GPHN: variants seen among roughly 807,000 people sequenced by gnomAD.
GPHN encodes gephyrin.
A neutral mutation model predicts 95.5 loss-of-function variants in GPHN; 17 were observed. The ratio of observed to expected loss-of-function variants is 0.18; its 90% confidence interval spans 0.12 to 0.27. The LOEUF (loss-of-function observed/expected upper bound fraction) is 0.27. GPHN is among the 10% of genes least tolerant of loss of function. The pLI is 1.00. For synonymous variants in GPHN, 320 were observed against 322.5 expected, an observed-to-expected ratio of 0.99 and a Z score of 0.08; for missense variants, 660 against 978.1, an observed-to-expected ratio of 0.67 and a Z score of 4.34.
At chr14:67,712,173 A>T in the GPHN span, among the ~76,000 whole-genome samples, 1 of 151,760 alleles carries the variant, frequency 6.6e-6, no homozygotes, top group South Asian at 2.1e-4. Flanking sequence ...ACACACCTTG[A>T]CCTCCCAAAG....
intron 10 of GPHN, among the ~76,000 whole-genome samples, chr14:67,026,358 C>T (rs2073923740): frequency 6.6e-6 from 1 of 152,092 alleles, no homozygotes; most frequent in African/African-American, 2.4e-5. Context: ...ACTACTAATA[C>T]TACCAATTAC....
At chr14:67,099,547 C>CAA (rs368937478) in intron 12 of GPHN, among the ~76,000 whole-genome samples, 244 of 141,374 alleles carry the variant, frequency 1.7e-3, no homozygotes, top group African/African-American at 5.7e-3. Context: ...TAACAGGATT[C>CAA]AAAAAAAAAA....
intron 8 of GPHN, among the ~76,000 whole-genome samples, chr14:66,937,083 G>T (rs1042461416): frequency 6.6e-6 from 1 of 151,682 alleles, no homozygotes; most frequent in Non-Finnish European, 1.5e-5. Context: ...GCTTACTGCA[G>T]CCTCTACCTT....
chr14:67,655,746 C>A, the GPHN span, among the ~76,000 whole-genome samples: 17 of 152,174 alleles, frequency 1.1e-4, no homozygotes. Flanking sequence ...AGCTTTGAAT[C>A]CTTAAGTGCC....
At chr14:67,152,440 A>G (rs1000043478) in intron 18 of GPHN, among the ~76,000 whole-genome samples, 11 of 151,274 alleles carry the variant, frequency 7.3e-5, no homozygotes, top group African/African-American at 2.7e-4. Context: ...TATAAAATGA[A>G]CATGTTTCCA....
the GPHN span, among the ~76,000 whole-genome samples, chr14:67,623,534 C>CTTTTTTTTT: frequency 2.4e-5 from 2 of 82,948 alleles, no homozygotes; most frequent in African/African-American, 4.9e-5. Flanking sequence ...CTCAGGTAAC[C>CTTTTTTTTT]TTTTTTTTTT....
chr14:67,211,188 A>G, the GPHN span, among the ~76,000 whole-genome samples: 1 of 152,184 alleles, frequency 6.6e-6, no homozygotes, highest in East Asian at 1.9e-4. Flanking sequence ...AGCTGATATT[A>G]AAACCCTCAC....
chr14:67,180,113 G>A (rs763805302), intron 22 of GPHN, among the ~76,000 whole-genome samples: 3 of 152,204 alleles, frequency 2.0e-5, no homozygotes, highest in Non-Finnish European at 4.4e-5. Context: ...TTGAAGGGCA[G>A]AGAAATCAAT....
At chr14:67,393,599 A>T in the GPHN span, among the ~76,000 whole-genome samples, 1 of 151,982 alleles carries the variant, frequency 6.6e-6, no homozygotes, top group Non-Finnish European at 1.5e-5. Flanking sequence ...GATTACAGAC[A>T]TTTGCCACCA....
At chr14:67,121,403 A>T (rs909532401) in intron 16 of GPHN, among the ~76,000 whole-genome samples, 19 of 152,148 alleles carry the variant, frequency 1.2e-4, no homozygotes, top group African/African-American at 4.6e-4. Flanking sequence ...AAGGAAAGAG[A>T]ATCACATTTA....
At chr14:67,452,259 G>T in the GPHN span, among the ~76,000 whole-genome samples, 7 of 151,064 alleles carry the variant, frequency 4.6e-5, no homozygotes, top group African/African-American at 1.7e-4. Flanking sequence ...GAAGGCAGAG[G>T]TTGTAGTGAG....
At chr14:67,489,021 C>T in the GPHN span, among the ~76,000 whole-genome samples, 1 of 151,970 alleles carries the variant, frequency 6.6e-6, no homozygotes, top group African/African-American at 2.4e-5. Flanking sequence ...GAGTAGATCC[C>T]AGGGGACAGG....
rs186926407 is a variant in GPHN at position 66,583,336 on chromosome 14, G to T, written c.64+74745G>T. ...AAAATTTTCTCCCAATCTGTAGGTTGCCTGTTCACTCTGATGGTAGTTTCT... is the reference window on the plus strand; with the variant it reads ...AAAATTTTCTCCCAATCTGTAGGTTTCCTGTTCACTCTGATGGTAGTTTCT... On this transcript the variant is annotated intron_variant, in intron 1 of 22. Transcript: ENST00000478722. Among the ~76,000 whole-genome samples the T allele has an allele frequency of 1.5e-3, 230 of 152,176 alleles. 1 individual carries two copies. Among genetic ancestry groups the T allele is most frequent in the Non-Finnish European group, 1.9e-3 (127 of 67,982 alleles).
chr14:67,720,318 T>TC, the GPHN span, among the ~76,000 whole-genome samples: 1 of 152,310 alleles, frequency 6.6e-6, no homozygotes, highest in East Asian at 1.9e-4. Context: ...TATGAATATT[T>TC]CCCCCCAGTT....
At chr14:66,645,706 AG>A (rs2064708825) in intron 1 of GPHN, among the ~76,000 whole-genome samples, 3 of 151,154 alleles carry the variant, frequency 2.0e-5, no homozygotes, top group Non-Finnish European at 4.4e-5. Context: ...AAAAAAAAAA[AG>A]AAAATTTTTT....
chr14:66,745,754 T>C (rs1052225751), intron 2 of GPHN, among the ~76,000 whole-genome samples: 8 of 151,986 alleles, frequency 5.3e-5, no homozygotes, highest in South Asian at 2.1e-4. Flanking sequence ...TACTTATGTA[T>C]AATGAGTGTT....
chr14:67,569,313 G>A, the GPHN span: 24 of 838,286 alleles, frequency 2.9e-5, no homozygotes, highest in African/African-American at 2.1e-4. Context: ...CAGGGCCAGG[G>A]TTGGCTGGCC....
chr14:66,508,279 C>T lies in GPHN; in HGVS notation c.-249C>T. ...GCCACCGCGCCCCCCAAGCTTGCCT[C>T]CTTCTTGCCGGACTTGGGGCCGCGC... is the stretch of plus-strand genomic sequence containing the variant. On this transcript the variant is annotated 5_prime_UTR_variant, in exon 1 of 23. Coordinates refer to ENST00000478722, the MANE Select transcript of GPHN (RefSeq NM_020806.5). The T allele has an allele frequency of 8.6e-6, 5 of 581,214 alleles. No homozygotes were observed. Among genetic ancestry groups the T allele is most frequent in the South Asian group, 2.0e-5 (1 of 50,434 alleles). The allele number at this position is 581,214 out of a possible 1,614,324, so 36.0% of individuals were successfully genotyped here. A position where few individuals can be genotyped will look rare whatever the true frequency, so the allele number is the denominator to read the frequency against.
Position 66,922,823 on chromosome 14 carries a change from C to G in GPHN, c.614C>G (p.Thr205Arg). ...CCTACTACCAGCCCCCATAAACAGA[C>G]AGAAGACAAAGGAGTTCAATGTGAG... ...PPPTTSPHKQTEDKGVQCEEE... is the reference protein window; with the variant it reads ...PPPTTSPHKQREDKGVQCEEE... The change falls in exon 7 of 23, where the codon ACA (threonine) becomes AGA (arginine). Residue 205 changes from threonine (T) to arginine (R), a missense_variant. Physicochemically the swap from Thr to Arg is moderately conservative, Grantham distance 71 (BLOSUM62 -1). Coordinates refer to ENST00000478722, the MANE Select transcript of GPHN (RefSeq NM_020806.5). 2 of 1,613,174 alleles carry G rather than the reference C, an allele frequency of 1.2e-6. No individual in the cohort carries two copies. Among genetic ancestry groups the G allele is most frequent in the Non-Finnish European group, 1.7e-6 (2 of 1,179,484 alleles).
Sources: gnomAD v4.1 joint callset for allele counts (sites outside exome capture counted in the v4.1 genomes callset) on GRCh38, gnomAD v4.1.1 for gene constraint, MANE v1.5 for transcripts, NCBI Gene and HGNC (gene_info 2026-07-23, HGNC 2026-07-21) for gene names.